CTNNA3: variants seen among roughly 807,000 people sequenced by gnomAD.
The protein encoded by CTNNA3 is catenin alpha 3.
In CTNNA3, 76 loss-of-function variants were observed where a neutral mutation model predicts 95.7. The observed-to-expected ratio is 0.79, with a 90% CI of 0.66 to 0.96. The LOEUF is 0.96. Ranked by LOEUF, CTNNA3 falls within the 40% of genes least tolerant of loss-of-function variation. The pLI is 0.00. For synonymous variants in CTNNA3, 431 were observed against 374.4 expected (o/e 1.15, Z -1.74); for missense variants, 1,191 against 1,089.8 (o/e 1.09, Z -1.31).
intron 9 of CTNNA3, among the ~76,000 whole-genome samples, chr10:66,743,597 G>C (rs963428084): frequency 6.6e-6 from 1 of 152,046 alleles, no homozygotes; most frequent in Non-Finnish European, 1.5e-5. Context: ...TAACATGTCT[G>C]GTGTGAGGTA....
Position 65,946,847 on chromosome 10 carries a change from AT to A in CTNNA3, c.2400+19764del, listed in dbSNP as rs199866678. Among the ~76,000 whole-genome samples, 501 of 150,852 alleles carry A rather than the reference AT, an allele frequency of 3.3e-3. 4 individuals carry two copies. The highest frequency in any genetic ancestry group is 0.011 in the African/African-American group (471 of 41,266). On this transcript the variant is annotated intron_variant, in intron 17 of 17. Transcript: ENST00000433211. ...TAGAAGTGTTAATCTTGCCAAAAAA[AT>A]GACTTCTTTGAATTTCTAGGTAGTT...
intron 7 of CTNNA3, among the ~76,000 whole-genome samples, chr10:67,108,017 C>A (rs1858744511): frequency 6.6e-6 from 1 of 152,164 alleles, no homozygotes; most frequent in South Asian, 2.1e-4. Flanking sequence ...CCTGAATATT[C>A]CTGGCCATGG....
chr10:66,335,083 G>C (rs1412203488), intron 12 of CTNNA3, among the ~76,000 whole-genome samples: 3 of 151,962 alleles, frequency 2.0e-5, no homozygotes, highest in Non-Finnish European at 4.4e-5. Flanking sequence ...AGCATCATCA[G>C]GTCCTTTAAG....
intron 12 of CTNNA3, among the ~76,000 whole-genome samples, chr10:66,334,917 C>T (rs1226565373): frequency 6.6e-6 from 1 of 152,020 alleles, no homozygotes; most frequent in African/African-American, 2.4e-5. Context: ...TTCTTGGAGG[C>T]TTTGTTTGTT....
intron 11 of CTNNA3, among the ~76,000 whole-genome samples, chr10:66,449,519 A>G (rs963953339): frequency 1.3e-5 from 2 of 152,106 alleles, no homozygotes; most frequent in Non-Finnish European, 2.9e-5. Context: ...ATGCTTTTTT[A>G]TTGTTAATTT....
intron 1 of CTNNA3, among the ~76,000 whole-genome samples, chr10:67,691,316 C>T (rs545515137): frequency 1.3e-5 from 2 of 152,346 alleles, no homozygotes; most frequent in South Asian, 2.1e-4. Context: ...GCCACCACCC[C>T]GTCTGGGAAG....
At chr10:67,151,744 A>G (rs1211413881) in intron 7 of CTNNA3, among the ~76,000 whole-genome samples, 1 of 152,214 alleles carries the variant, frequency 6.6e-6, no homozygotes, top group Non-Finnish European at 1.5e-5. Flanking sequence ...CAGCATCCAT[A>G]TGTACAAGTC....
chr10:67,149,076 C>A (rs928148237), intron 7 of CTNNA3, among the ~76,000 whole-genome samples: 9 of 152,152 alleles, frequency 5.9e-5, no homozygotes, highest in Non-Finnish European at 1.3e-4. Flanking sequence ...AGGGGCCTGA[C>A]ATAAAATATA....
intron 13 of CTNNA3, among the ~76,000 whole-genome samples, chr10:66,156,073 A>T (rs2084491826): frequency 6.6e-6 from 1 of 151,968 alleles, no homozygotes; most frequent in Non-Finnish European, 1.5e-5. Flanking sequence ...ACCATTACAC[A>T]TCCACCAGAA....
chr10:67,443,482 G>A (rs1236112505), intron 5 of CTNNA3, among the ~76,000 whole-genome samples: 17 of 151,812 alleles, frequency 1.1e-4, no homozygotes, highest in South Asian at 6.3e-4. Flanking sequence ...TTTAATGATT[G>A]CCGTTCTAAC....
intron 9 of CTNNA3, among the ~76,000 whole-genome samples, chr10:66,726,101 T>A (rs1448434452): frequency 2.0e-5 from 3 of 152,088 alleles, no homozygotes; most frequent in Admixed American, 2.0e-4. Flanking sequence ...AATACCCACA[T>A]TATAATGTAG....
chr10:67,282,066 T>C lies in CTNNA3; in HGVS notation c.580-62196A>G, dbSNP rs145916426. Among the ~76,000 whole-genome samples, 116 of 152,292 alleles carry C rather than the reference T, an allele frequency of 7.6e-4. 1 individual carries two copies. The East Asian group carries it at 0.019, about 25-fold the overall frequency. On this transcript the variant is annotated intron_variant, in intron 5 of 17. Coordinates refer to ENST00000433211, the MANE Select transcript of CTNNA3 (RefSeq NM_013266.4). ...TAATGATAATACCAGTATGTCCTAT[T>C]ACACAAATAATGATTTCACATTATC...
chr10:67,295,945 G>A (rs930599973), intron 5 of CTNNA3, among the ~76,000 whole-genome samples: 3 of 152,116 alleles, frequency 2.0e-5, no homozygotes, highest in African/African-American at 4.8e-5. Flanking sequence ...CACTACCTAC[G>A]GATGCTCAGG....
In CTNNA3 at chr10:65,930,731, T is replaced by C. The variant is rs1001892585; in HGVS notation, c.2401-10114A>G. Among the ~76,000 whole-genome samples the C allele has an allele frequency of 2.0e-4, 30 of 152,158 alleles. 1 individual carries two copies. The highest frequency in any genetic ancestry group is 4.3e-4 in the Non-Finnish European group (29 of 68,010). On this transcript the variant is annotated intron_variant, in intron 17 of 17. Transcript: ENST00000433211. ...ACAAAATCAACATTTTGTATAAATG[T>C]CATCTTCTCTACCTCCATCACTAGA...
At chr10:66,135,948 C>A (rs2083322874) in intron 13 of CTNNA3, among the ~76,000 whole-genome samples, 1 of 149,848 alleles carries the variant, frequency 6.7e-6, no homozygotes, top group Admixed American at 6.7e-5. Context: ...GTCGCGCAGG[C>A]TGGAGTGCAG....
chr10:66,806,190 C>A (rs924448111), intron 7 of CTNNA3, among the ~76,000 whole-genome samples: 4 of 151,548 alleles, frequency 2.6e-5, no homozygotes, highest in Admixed American at 2.6e-4. Context: ...GCATTAAATA[C>A]TGAAGTTAGA....
At chr10:66,655,120 T>C (rs2394269) in intron 9 of CTNNA3, among the ~76,000 whole-genome samples, 100,110 of 151,654 alleles carry the variant, frequency 0.66, 33,943 homozygotes, top group East Asian at 0.95. Flanking sequence ...CTATGTGAAG[T>C]AATGCATGTT....
chr10:67,409,030 A>G (rs945903993), intron 5 of CTNNA3, among the ~76,000 whole-genome samples: 3 of 152,172 alleles, frequency 2.0e-5, no homozygotes, highest in Non-Finnish European at 4.4e-5. Context: ...CAAAACCACA[A>G]TGAAATACCA....
chr10:66,028,712 T>C (rs2079391161), intron 15 of CTNNA3, among the ~76,000 whole-genome samples: 1 of 152,040 alleles, frequency 6.6e-6, no homozygotes, highest in Admixed American at 6.6e-5. Flanking sequence ...ACCTGCACAT[T>C]GTGCATGTGT....
Sources: allele counts gnomAD v4.1 joint callset (sites outside exome capture counted in the v4.1 genomes callset), GRCh38; gene constraint gnomAD v4.1.1; transcripts MANE v1.5; gene names NCBI Gene and HGNC (gene_info 2026-07-23, HGNC 2026-07-21).